Variants in STX8 observed in about 807,000 individuals in gnomAD.
The protein encoded by STX8 is syntaxin-8.
In STX8, 23 loss-of-function variants were observed where a neutral mutation model predicts 37.5. The ratio of observed to expected loss-of-function variants is 0.61; its 90% CI spans 0.44 to 0.87. The LOEUF (loss-of-function observed/expected upper bound fraction) is 0.87, where lower values mean the gene tolerates loss of function less well. STX8 is among the 40% of genes least tolerant of loss of function. The pLI is 0.00. For synonymous variants in STX8, 115 were observed against 99.1 expected, an observed-to-expected ratio of 1.16 and a Z score of -0.95; for missense variants, 313 against 284.7, an observed-to-expected ratio of 1.10 and a Z score of -0.71.
At chr17:9,414,759 T>C (rs1354292185) in intron 6 of STX8, among the ~76,000 whole-genome samples, 1 of 151,596 alleles carries the variant, frequency 6.6e-6, no homozygotes, top group East Asian at 1.9e-4. Flanking sequence ...CTTGCTTTGT[T>C]TGGAAACTGA....
intron 5 of STX8, among the ~76,000 whole-genome samples, chr17:9,499,127 T>C (rs8069740): frequency 1.3e-5 from 2 of 152,116 alleles, no homozygotes; most frequent in East Asian, 3.9e-4. Flanking sequence ...ACTGTAATTT[T>C]GGGATGATTT....
chr17:9,432,043 T>C (rs140841972), intron 6 of STX8, among the ~76,000 whole-genome samples: 156 of 152,360 alleles, frequency 1.0e-3, no homozygotes, highest in African/African-American at 3.7e-3. Flanking sequence ...TTCACCATCA[T>C]TTTAAGTTAA....
chr17:9,331,785 C>T (rs79217019), intron 7 of STX8, among the ~76,000 whole-genome samples: 7 of 152,128 alleles, frequency 4.6e-5, no homozygotes, highest in Admixed American at 6.6e-5. Context: ...TCCCTCCCCC[C>T]TCTCTGCCTT....
intron 7 of STX8, among the ~76,000 whole-genome samples, chr17:9,317,331 C>A (rs908651834): frequency 2.6e-5 from 4 of 152,144 alleles, no homozygotes; most frequent in Non-Finnish European, 4.4e-5. Context: ...GCCAAGCACA[C>A]CCTTGAGATG....
chr17:9,285,534 G>A lies in STX8; in HGVS notation c.644-34889C>T, dbSNP rs192547582. On this transcript the variant is annotated intron_variant, in intron 7 of 7. Coordinates refer to ENST00000306357, the MANE Select transcript of STX8 (RefSeq NM_004853.3). ...GACCTAGATGGGCCTTTTCTCTAAGGCCGGCCTCCAGAAGCCAGGGTGAAG... is the reference window on the plus strand; with the variant it reads ...GACCTAGATGGGCCTTTTCTCTAAGACCGGCCTCCAGAAGCCAGGGTGAAG... Among the ~76,000 whole-genome samples the A allele has an allele frequency of 3.0e-3, 459 of 152,224 alleles. 9 individuals carry two copies. The highest frequency in any genetic ancestry group is 0.01 in the African/African-American group (433 of 41,528).
chr17:9,400,337 G>C (rs575087967), intron 6 of STX8, among the ~76,000 whole-genome samples: 3 of 151,890 alleles, frequency 2.0e-5, no homozygotes, highest in Non-Finnish European at 4.4e-5. Context: ...TCCTGACCTT[G>C]TGATCCGCCT....
At chr17:9,341,072 T>G (rs1040181766) in intron 7 of STX8, among the ~76,000 whole-genome samples, 21 of 150,886 alleles carry the variant, frequency 1.4e-4, no homozygotes, top group African/African-American at 5.1e-4. Context: ...TATAAGGGAC[T>G]CTTTTCTCTA....
In STX8 at chr17:9,269,723, C is replaced by T. The variant is rs189905080; in HGVS notation, c.644-19078G>A. On this transcript the variant is annotated intron_variant, in intron 7 of 7. Coordinates refer to ENST00000306357, the MANE Select transcript of STX8 (RefSeq NM_004853.3). ...AAGTTGAATTATGACACATTCCTAA[C>T]GAAATGATCCAGTTTTCCCACCTTG... 3.1e-3 allele frequency among the ~76,000 whole-genome samples: 475 copies of T among 152,318 alleles called. 3 individuals carry two copies. The highest frequency in any genetic ancestry group is 0.01 in the African/African-American group (427 of 41,560).
At chr17:9,321,027 C>G (rs141032282) in intron 7 of STX8, among the ~76,000 whole-genome samples, 5 of 149,344 alleles carry the variant, frequency 3.3e-5, no homozygotes, top group Admixed American at 6.7e-5. Context: ...GGCAGAGAGA[C>G]GAGAGAAGAG....
chr17:9,469,684 G>GAAA (rs1285299581), intron 6 of STX8: 163 of 152,200 alleles, frequency 1.1e-3, no homozygotes, highest in Middle Eastern at 3.4e-3. Context: ...AACAAAAAAT[G>GAAA]GCTACTCTTG....
chr17:9,403,942 G>A lies in STX8; in HGVS notation c.542-25289C>T, dbSNP rs147088363. ...ATTACGGGAGTGAGCCACCACATCC[G>A]GCCCACATACAACTCTTTTGACTCC... On this transcript the variant is annotated intron_variant, in intron 6 of 7. Coordinates refer to ENST00000306357, the MANE Select transcript of STX8 (RefSeq NM_004853.3). Among the ~76,000 whole-genome samples the A allele has an allele frequency of 6.3e-4, 96 of 151,992 alleles. No homozygotes were observed. The East Asian group carries it at 0.017, about 27-fold the overall frequency.
At chr17:9,261,993 C>T (rs533620018) in intron 7 of STX8, among the ~76,000 whole-genome samples, 27 of 152,282 alleles carry the variant, frequency 1.8e-4, no homozygotes, top group African/African-American at 6.3e-4. Context: ...TTACAAACCC[C>T]TCCGTTTGTC....
intron 6 of STX8, among the ~76,000 whole-genome samples, chr17:9,476,530 G>A (rs1044668961): frequency 2.0e-5 from 3 of 150,888 alleles, no homozygotes; most frequent in African/African-American, 7.3e-5. Context: ...TCGGCTCACT[G>A]CAACCTCCAC....
intron 4 of STX8, among the ~76,000 whole-genome samples, chr17:9,529,392 A>G (rs1905720358): frequency 6.6e-6 from 1 of 152,230 alleles, no homozygotes; most frequent in African/African-American, 2.4e-5. Flanking sequence ...ATGTACATGT[A>G]GTATATAAAT....
intron 7 of STX8, among the ~76,000 whole-genome samples, chr17:9,332,204 G>A (rs1419010557): frequency 6.6e-6 from 1 of 152,170 alleles, no homozygotes; most frequent in East Asian, 1.9e-4. Context: ...AGTTTATTAG[G>A]TAAATAAACC....
At chr17:9,375,503 T>A (rs559778665) in intron 7 of STX8, among the ~76,000 whole-genome samples, 1 of 152,186 alleles carries the variant, frequency 6.6e-6, no homozygotes, top group African/African-American at 2.4e-5. Flanking sequence ...TATGAATATA[T>A]TCATTCCAAA....
At chr17:9,308,672 G>A (rs1391662393) in intron 7 of STX8, among the ~76,000 whole-genome samples, 5 of 143,846 alleles carry the variant, frequency 3.5e-5, no homozygotes, top group African/African-American at 7.8e-5. Context: ...GCAGTGAGCC[G>A]AGATCGTGCC....
At chr17:9,458,203 G>A (rs1007729683) in intron 6 of STX8, among the ~76,000 whole-genome samples, 3 of 152,218 alleles carry the variant, frequency 2.0e-5, no homozygotes, top group Admixed American at 1.3e-4. Context: ...AGGCTGGAGT[G>A]CAGTGGCGCC....
At chr17:9,516,645 A>G (rs1259424349) in intron 4 of STX8, among the ~76,000 whole-genome samples, 5 of 152,016 alleles carry the variant, frequency 3.3e-5, no homozygotes, top group African/African-American at 1.2e-4. Context: ...TTCTCTTTTC[A>G]TTTGGTTTTA....
Sources: allele counts gnomAD v4.1 joint callset (sites outside exome capture counted in the v4.1 genomes callset), GRCh38; gene constraint gnomAD v4.1.1; transcripts MANE v1.5; gene names NCBI Gene and HGNC (gene_info 2026-07-23, HGNC 2026-07-21).